The following GRIA2 variants were observed in gnomAD, a reference collection of about 807,000 sequenced individuals.
GRIA2 encodes glutamate receptor 2.
GRIA2 carries 14 observed loss-of-function variants against 97.3 expected under a neutral mutation model. The ratio of observed to expected loss-of-function variants is 0.14; its 90% CI spans 0.10 to 0.23. The LOEUF is 0.23. Ranked by LOEUF, GRIA2 falls within the 10% of genes least tolerant of loss-of-function variation. The probability of loss-of-function intolerance (pLI) is 1.00; values close to 1 mark genes in which losing one functional copy is unlikely to be tolerated. For missense variants in GRIA2, 558 were observed against 1,069.8 expected (o/e 0.52, Z 6.67); for synonymous variants, 412 against 387.8 (o/e 1.06, Z -0.73).
chr4:157,338,691 G>A (rs537540446), intron 11 of GRIA2, among the ~76,000 whole-genome samples: 1 of 151,950 alleles, frequency 6.6e-6, no homozygotes, highest in African/African-American at 2.4e-5. Context: ...ATTTTTCCTT[G>A]TTATTGATTG....
At chr4:157,287,902 T>A (rs6817877) in intron 2 of GRIA2, among the ~76,000 whole-genome samples, 49,011 of 151,232 alleles carry the variant, frequency 0.32, 8,366 homozygotes, top group African/African-American at 0.43. Context: ...TTTCCGTGTA[T>A]TATCTTGGGT....
At chr4:157,348,608 C>T (rs1735866877) in intron 12 of GRIA2, among the ~76,000 whole-genome samples, 1 of 152,066 alleles carries the variant, frequency 6.6e-6, no homozygotes, top group Admixed American at 6.5e-5. Flanking sequence ...ATCAAAGTTC[C>T]AAAATATGCT....
intron 2 of GRIA2, among the ~76,000 whole-genome samples, chr4:157,277,816 A>ATATATATATGTATATATG (rs1560743170): frequency 1.7e-4 from 24 of 141,188 alleles, no homozygotes; most frequent in African/African-American, 5.5e-4. Flanking sequence ...TATGTATGCT[A>ATATATATATGTATATATG]TATATATATG....
chr4:157,359,227 T>C (rs1295477174), intron 12 of GRIA2, among the ~76,000 whole-genome samples: 1 of 152,210 alleles, frequency 6.6e-6, no homozygotes, highest in Non-Finnish European at 1.5e-5. Context: ...CTTTCTTTCA[T>C]ATCTGTCACT....
At chr4:157,293,237 A>G (rs1344237331) in intron 2 of GRIA2, among the ~76,000 whole-genome samples, 3 of 152,150 alleles carry the variant, frequency 2.0e-5, no homozygotes, top group Non-Finnish European at 4.4e-5. Flanking sequence ...ATGTGCTCCA[A>G]GATGTATGTA....
rs760173224 is a variant in GRIA2 at position 157,256,853 on chromosome 4, C to T, written c.229+35046C>T. Among the ~76,000 whole-genome samples, 20 of 152,002 alleles carry T rather than the reference C, an allele frequency of 1.3e-4. 1 individual carries two copies. The highest frequency in any genetic ancestry group is 6.2e-4 in the South Asian group (3 of 4,816). ...GATGAACTCTAAGATGTGTAGAAAG[C>T]GACATGATTTTGTAATGGGGAGAGC... On this transcript the variant is annotated intron_variant, in intron 2 of 15. Coordinates refer to ENST00000264426, the MANE Select transcript of GRIA2 (RefSeq NM_001083619.3).
intron 12 of GRIA2, among the ~76,000 whole-genome samples, chr4:157,347,458 C>T (rs1735811580): frequency 6.6e-6 from 1 of 152,162 alleles, no homozygotes; most frequent in Admixed American, 6.5e-5. Flanking sequence ...ATACCAATAG[C>T]AGATCATGAG....
intron 12 of GRIA2, among the ~76,000 whole-genome samples, chr4:157,347,900 C>G (rs1482395466): frequency 6.6e-6 from 1 of 152,118 alleles, no homozygotes; most frequent in Non-Finnish European, 1.5e-5. Flanking sequence ...CCAAGGCAGG[C>G]AGATCTCGAG....
intron 2 of GRIA2, among the ~76,000 whole-genome samples, chr4:157,224,737 C>T (rs1048039593): frequency 6.6e-6 from 1 of 152,050 alleles, no homozygotes; most frequent in Non-Finnish European, 1.5e-5. Flanking sequence ...TTCTCCAATG[C>T]CTATCCTTTG....
At chr4:157,352,769 T>C (rs575874285) in intron 12 of GRIA2, among the ~76,000 whole-genome samples, 6 of 144,474 alleles carry the variant, frequency 4.2e-5, no homozygotes, top group South Asian at 4.4e-4. Flanking sequence ...AAAACACTTA[T>C]AGGCCCGGCA....
upstream of GRIA2, chr4:157,220,432 G>C (rs1243829013): frequency 3.9e-5 from 6 of 152,038 alleles, no homozygotes; most frequent in Non-Finnish European, 8.8e-5. Flanking sequence ...CGGTGGGCGC[G>C]ACAGCCCCGG....
Position 157,333,005 on chromosome 4 carries a change from T to G in GRIA2, c.1050+19T>G, listed in dbSNP as rs1735125652. The G allele has an allele frequency of 6.4e-7, 1 of 1,569,830 alleles. No individual in the cohort carries two copies. ...CAAACAGGTCAGTTACTCAAAATAA[T>G]CGTTAACGTGACTTAATATGGCCAT... On this transcript the variant is annotated intron_variant, in intron 7 of 15. Coordinates refer to ENST00000264426, the MANE Select transcript of GRIA2 (RefSeq NM_001083619.3).
In GRIA2 at chr4:157,249,140, A is replaced by C. The variant is rs1425462768; in HGVS notation, c.229+27333A>C. Among the ~76,000 whole-genome samples, 3 of 152,210 alleles carry C rather than the reference A, an allele frequency of 2.0e-5. No homozygotes were observed. In the East Asian group the frequency reaches 5.8e-4, roughly 30 times the overall value. On this transcript the variant is annotated intron_variant, in intron 2 of 15. Transcript: ENST00000264426. ...ATGAGCCATCACGCCCAGCTCACAAATATTTTCAATACCTCAAATGTGCTA... is the reference window on the plus strand; with the variant it reads ...ATGAGCCATCACGCCCAGCTCACAACTATTTTCAATACCTCAAATGTGCTA...
At chr4:157,344,746 A>C (rs1343333320) in intron 12 of GRIA2, among the ~76,000 whole-genome samples, 1 of 151,994 alleles carries the variant, frequency 6.6e-6, no homozygotes, top group Non-Finnish European at 1.5e-5. Context: ...TTATCAAGTC[A>C]ACGGTTGGTT....
intron 2 of GRIA2, among the ~76,000 whole-genome samples, chr4:157,296,535 A>C (rs542221317): frequency 6.6e-6 from 1 of 152,284 alleles, no homozygotes; most frequent in Admixed American, 6.5e-5. Flanking sequence ...AATTTTTTCC[A>C]GTACATCTCT....
chr4:157,251,588 G>A (rs1731025311), intron 2 of GRIA2, among the ~76,000 whole-genome samples: 1 of 151,934 alleles, frequency 6.6e-6, no homozygotes, highest in African/African-American at 2.4e-5. Flanking sequence ...GGTAGTGACG[G>A]CTTGCTGATG....
At chr4:157,262,128 C>CTA (rs1731564221) in intron 2 of GRIA2, among the ~76,000 whole-genome samples, 1 of 151,920 alleles carries the variant, frequency 6.6e-6, no homozygotes. Context: ...AAATTGTCTT[C>CTA]TATATTTTGG....
At chr4:157,236,262 TA>T (rs904044036) in intron 2 of GRIA2, among the ~76,000 whole-genome samples, 15 of 151,816 alleles carry the variant, frequency 9.9e-5, no homozygotes, top group South Asian at 4.1e-4. Context: ...TATGGTAATT[TA>T]AAAAAAACAC....
upstream of GRIA2, chr4:157,220,486 C>T (rs1729434935): frequency 6.6e-6 from 1 of 152,070 alleles, no homozygotes; most frequent in Non-Finnish European, 1.5e-5. Flanking sequence ...GGGCCCCGAG[C>T]TGTGCTTTCT....
Sources: gnomAD v4.1 joint callset for allele counts (sites outside exome capture counted in the v4.1 genomes callset) on GRCh38, gnomAD v4.1.1 for gene constraint, MANE v1.5 for transcripts, NCBI Gene and HGNC (gene_info 2026-07-23, HGNC 2026-07-21) for gene names.